FAM3D: variants seen among roughly 807,000 people sequenced by gnomAD.
The protein encoded by FAM3D is FAM3 metabolism regulating signaling molecule D.
A neutral mutation model predicts 29.8 loss-of-function variants in FAM3D; 26 were observed. That is an observed-to-expected ratio of 0.87 (90% confidence interval 0.64 to 1.21). FAM3D has a LOEUF of 1.21. FAM3D is among the 50% of genes most tolerant of loss of function. The pLI is 0.00. For synonymous variants in FAM3D, 115 were observed against 102.3 expected (o/e 1.12, Z -0.75); for missense variants, 253 against 290.9 (o/e 0.87, Z 0.95).
intron 6 of FAM3D, among the ~76,000 whole-genome samples, chr3:58,640,807 G>A (rs896769512): frequency 6.6e-6 from 1 of 152,222 alleles, no homozygotes; most frequent in Non-Finnish European, 1.5e-5. Context: ...GCCGCTAGAT[G>A]GAGGCGTTGC....
intron 8 of FAM3D, 22 bp from the exon 9 acceptor site, chr3:58,636,442 G>T: frequency 6.2e-7 from 1 of 1,613,356 alleles, no homozygotes; most frequent in East Asian, 2.2e-5. Context: ...CAGAGAGGAT[G>T]GTCAGGATGC....
chr3:58,660,366 C>T (rs946782557), intron 1 of FAM3D, among the ~76,000 whole-genome samples: 6 of 152,140 alleles, frequency 3.9e-5, no homozygotes, highest in South Asian at 2.1e-4. Flanking sequence ...CCTGAACACC[C>T]GCAATTGTGA....
rs370181272 is a variant in FAM3D at position 58,653,701 on chromosome 3, T to C, written c.94A>G (p.Lys32Glu). 1.2e-6 allele frequency: 2 copies of C among 1,613,934 alleles called. No homozygotes were observed. The highest frequency in any genetic ancestry group is 2.2e-5 in the East Asian group (1 of 44,894). Residue 32 changes from lysine (K) to glutamate (E), a missense_variant, in exon 3 of 10, where the codon AAA (lysine) becomes GAA (glutamate). Lys to Glu is a moderately conservative substitution (Grantham distance 56). Coordinates refer to ENST00000358781, the MANE Select transcript of FAM3D (RefSeq NM_138805.3). ...AGCCAGCGTGGCAGACGGATGGTTT[T>C]CATGCTGAAGCTCATGTAGCTTCGA... ...FIRSYMSFSMKTIRLPRWLAA... is the reference protein window; with the variant it reads ...FIRSYMSFSMETIRLPRWLAA...
intron 5 of FAM3D, 60 bp downstream of exon 5, chr3:58,645,449 G>A: frequency 1.6e-6 from 2 of 1,271,448 alleles, no homozygotes; most frequent in Admixed American, 5.9e-5. Context: ...GTTTTTTAAT[G>A]AATGAATGAA....
intron 5 of FAM3D, among the ~76,000 whole-genome samples, chr3:58,644,037 ACCCAGAAGGTT>A (rs1335627224): frequency 1.3e-5 from 2 of 152,144 alleles, no homozygotes; most frequent in East Asian, 3.9e-4. Context: ...AGGAGGCAGG[ACCCAGAAGGTT>A]GCTGCCATCC....
At chr3:58,658,743 C>A (rs553834693) in intron 1 of FAM3D, among the ~76,000 whole-genome samples, 3 of 152,314 alleles carry the variant, frequency 2.0e-5, no homozygotes, top group Non-Finnish European at 4.4e-5. Flanking sequence ...GTGACCCAAG[C>A]AAGGCCAACC....
rs2066141252 is a variant in FAM3D at position 58,635,574 on chromosome 3, C to T, written c.585+720G>A. Among the ~76,000 whole-genome samples, 1 of 152,220 alleles carries T rather than the reference C, an allele frequency of 6.6e-6. No homozygotes were observed. The highest frequency in any genetic ancestry group is 2.4e-5 in the African/African-American group (1 of 41,464). On this transcript the variant is annotated intron_variant, in intron 9 of 9. Transcript: ENST00000358781. This position sits in a 1 kb window ranked among gnomAD's most constrained non-coding sequence, Gnocchi z 5.2. Reference sequence around the variant, plus strand: ...CACCACCTGCCCATGCAGCCTCAGACCTCTTGCCTCTTGCTAGGGCCCTGC... The same window carrying T: ...CACCACCTGCCCATGCAGCCTCAGATCTCTTGCCTCTTGCTAGGGCCCTGC...
intron 7 of FAM3D, among the ~76,000 whole-genome samples, chr3:58,639,830 G>A (rs763072081): frequency 2.0e-5 from 3 of 152,176 alleles, no homozygotes; most frequent in Non-Finnish European, 2.9e-5. Context: ...GAAGCCCTGG[G>A]CTGAGGACAG....
intron 4 of FAM3D, 136 bp downstream of exon 4, chr3:58,649,179 G>T: frequency 1.8e-6 from 2 of 1,096,142 alleles, no homozygotes; most frequent in Non-Finnish European, 2.6e-6. Context: ...GGACTGGGAA[G>T]AATCAGGAAG....
intron 2 of FAM3D, among the ~76,000 whole-genome samples, chr3:58,654,325 G>A (rs1406768852): frequency 6.6e-6 from 1 of 152,214 alleles, no homozygotes; most frequent in Non-Finnish European, 1.5e-5. Context: ...CAGGGATATT[G>A]TAGTTGTCAA....
At chr3:58,636,209 T>C in intron 9 of FAM3D, 85 bp downstream of exon 9, 1 of 1,543,622 alleles carries the variant, frequency 6.5e-7, no homozygotes, top group Non-Finnish European at 8.7e-7. Context: ...TTAAGGCCCC[T>C]GGGAGGTGAA....
At position 58,636,350 on chromosome 3, in the gene FAM3D, C is replaced by G. The variant is rs2066171254; in HGVS notation, c.529G>C (p.Asp177His). ...SSYAKQLGFRDSWVFIGAKDL... is the reference protein window; with the variant it reads ...SSYAKQLGFRHSWVFIGAKDL... ...TTGGCTCCTATGAAGACCCAGCTGT[C>G]CCGGAAGCCCAGTTGTTTTGCGTAG... The change falls in exon 9 of 10, where the codon GAC becomes CAC. Residue 177 changes from aspartate to histidine, a missense_variant. Asp to His is a moderately conservative substitution (Grantham distance 81). Coordinates refer to ENST00000358781, the MANE Select transcript of FAM3D (RefSeq NM_138805.3). 1.2e-6 allele frequency: 2 copies of G among 1,614,080 alleles called. No homozygotes were observed. Among genetic ancestry groups the G allele is most frequent in the Admixed American group, 1.7e-5 (1 of 60,008 alleles).
At chr3:58,660,755 G>A (rs1378400358) in intron 1 of FAM3D, among the ~76,000 whole-genome samples, 7 of 152,132 alleles carry the variant, frequency 4.6e-5, no homozygotes, top group Non-Finnish European at 1.0e-4. Flanking sequence ...AGTTCCTAGG[G>A]TACTTCCCAG....
Position 58,635,360 on chromosome 3 carries a change from G to C in FAM3D, c.585+934C>G, listed in dbSNP as rs776124583. Among the ~76,000 whole-genome samples the C allele has an allele frequency of 2.9e-4, 44 of 152,188 alleles. No individual in the cohort carries two copies. Among genetic ancestry groups the C allele is most frequent in the Non-Finnish European group, 5.9e-4 (40 of 68,038 alleles). ...CTAGATGCTACCTGCCTAAAACCCA[G>C]TTTCCCAAGTGTGAGGACTAAGAAC... is the stretch of plus-strand genomic sequence containing the variant. On this transcript the variant is annotated intron_variant, in intron 9 of 9. Coordinates refer to ENST00000358781, the MANE Select transcript of FAM3D (RefSeq NM_138805.3). The surrounding 1 kb of genome is among the most constrained non-coding windows in gnomAD (Gnocchi z 5.2).
At chr3:58,637,014 C>G in intron 8 of FAM3D, 127 bp downstream of exon 8, 1 of 761,964 alleles carries the variant, frequency 1.3e-6, no homozygotes, top group Non-Finnish European at 2.2e-6. Context: ...GCATACTTGT[C>G]TGATAATTTC....
intron 1 of FAM3D, among the ~76,000 whole-genome samples, chr3:58,665,552 T>C (rs902155188): frequency 6.6e-6 from 1 of 152,208 alleles, no homozygotes; most frequent in Non-Finnish European, 1.5e-5. Flanking sequence ...TCATTGTGTC[T>C]TTTTTACCTG....
chr3:58,645,875 C>T (rs2066464357), intron 4 of FAM3D, among the ~76,000 whole-genome samples: 1 of 152,208 alleles, frequency 6.6e-6, no homozygotes, highest in Non-Finnish European at 1.5e-5. Context: ...CTTCACAGCT[C>T]CAGCCACAGC....
At chr3:58,652,771 A>G (rs1285909515) in intron 3 of FAM3D, among the ~76,000 whole-genome samples, 1 of 149,922 alleles carries the variant, frequency 6.7e-6, no homozygotes, top group Non-Finnish European at 1.5e-5. Flanking sequence ...CCATCTACTC[A>G]TCCCTCCATC....
rs61730208 is a variant in FAM3D at position 58,637,157 on chromosome 3, C to G, written c.442G>C (p.Asp148His). 1.2e-6 allele frequency: 2 copies of G among 1,613,942 alleles called. No homozygotes were observed. Among genetic ancestry groups the G allele is most frequent in the South Asian group, 2.2e-5 (2 of 91,016 alleles). Residue 148 changes from aspartate (D) to histidine (H), a missense_variant, in exon 8 of 10, where the codon GAC becomes CAC. Coordinates refer to ENST00000358781, the MANE Select transcript of FAM3D (RefSeq NM_138805.3). ...TCTACTTACTTGGTCCCTGGATCGTCGTAGGAGGCCACCAGCACCAGTGCA... is the reference window on the plus strand; with the variant it reads ...TCTACTTACTTGGTCCCTGGATCGTGGTAGGAGGCCACCAGCACCAGTGCA... ...GGALVLVASY[D>H]DPGTKMNDES... is the part of the protein sequence containing the mutation.
Sources: gnomAD v4.1 joint callset for allele counts (sites outside exome capture counted in the v4.1 genomes callset) on GRCh38, gnomAD v4.1.1 for gene constraint, Gnocchi (gnomAD v3.1) non-coding constraint, MANE v1.5 for transcripts, NCBI Gene and HGNC (gene_info 2026-07-23, HGNC 2026-07-21) for gene names.